The following AGBL4 variants were observed in gnomAD, a reference collection of about 807,000 sequenced individuals.
The protein encoded by AGBL4 is cytosolic carboxypeptidase 6.
A neutral mutation model predicts 66.4 loss-of-function variants in AGBL4; 58 were observed. That is an observed-to-expected ratio of 0.87 (90% CI 0.71 to 1.09). AGBL4 has a LOEUF of 1.09. AGBL4 is among the 50% of genes least tolerant of loss of function. AGBL4 has a pLI of 0.00. For missense variants in AGBL4, 579 were observed against 631.0 expected (o/e 0.92, Z 0.88); for synonymous variants, 234 against 222.9 (o/e 1.05, Z -0.44).
chr1:49,392,301 TG>T (rs1159303068), intron 3 of AGBL4, among the ~76,000 whole-genome samples: 1 of 152,184 alleles, frequency 6.6e-6, no homozygotes, highest in African/African-American at 2.4e-5. Flanking sequence ...GTTCTATTTT[TG>T]GGGGCATTAA....
At chr1:49,390,471 A>C (rs1644822692) in intron 3 of AGBL4, among the ~76,000 whole-genome samples, 1 of 152,226 alleles carries the variant, frequency 6.6e-6, no homozygotes, top group Non-Finnish European at 1.5e-5. Context: ...AAAAATCTCT[A>C]AGGAAGAAAC....
chr1:48,607,532 C>T (rs1309950771), intron 9 of AGBL4, among the ~76,000 whole-genome samples: 4 of 152,074 alleles, frequency 2.6e-5, no homozygotes, highest in Admixed American at 6.6e-5. Context: ...GCAGGAGAAT[C>T]GCTTGAATCC....
intron 3 of AGBL4, among the ~76,000 whole-genome samples, chr1:49,648,036 A>C (rs894005791): frequency 6.6e-6 from 1 of 152,150 alleles, no homozygotes; most frequent in Non-Finnish European, 1.5e-5. Flanking sequence ...CCAGACTCAG[A>C]AATGGCAGGG....
rs1482415129 is a variant in AGBL4, at chr1:48,897,833, C to T, written c.595-30603G>A. On this transcript the variant is annotated intron_variant, in intron 5 of 13. Transcript: ENST00000371839. The stretch of plus-strand genomic sequence containing the variant: ...TTTTTTTTTTTTTTTTTTTTTAAGA[C>T]GGAGTCTCGCTCTGTCACCAGGCCG... Among the ~76,000 whole-genome samples the T allele has an allele frequency of 3.2e-5, 4 of 125,114 alleles. No homozygotes were observed. In the East Asian group the frequency reaches 7.8e-4, roughly 24 times the overall value. 82.1% of individuals were successfully genotyped at this position (125,114 alleles called of 152,430 possible).
intron 1 of AGBL4, among the ~76,000 whole-genome samples, chr1:49,938,797 G>A (rs185796513): frequency 1.3e-5 from 2 of 152,116 alleles, no homozygotes; most frequent in African/African-American, 4.8e-5. Context: ...ATTCAACAAC[G>A]CTTCGTGCTA....
At chr1:49,258,930 G>A (rs569565841) in intron 3 of AGBL4, among the ~76,000 whole-genome samples, 1 of 152,158 alleles carries the variant, frequency 6.6e-6, no homozygotes, top group Non-Finnish European at 1.5e-5. Context: ...CCCACAAAGG[G>A]AAGCCCATCA....
At chr1:49,236,729 CT>C (rs1650779385) in intron 4 of AGBL4, among the ~76,000 whole-genome samples, 1 of 152,002 alleles carries the variant, frequency 6.6e-6, no homozygotes, top group Non-Finnish European at 1.5e-5. Context: ...ATCTTGTCAC[CT>C]GTAACCACCA....
Position 49,689,171 on chromosome 1 carries a change from C to T in AGBL4, c.282+8142G>A, listed in dbSNP as rs571349630. On this transcript the variant is annotated intron_variant, in intron 3 of 13. Coordinates refer to ENST00000371839, the MANE Select transcript of AGBL4 (RefSeq NM_032785.4). The stretch of plus-strand genomic sequence containing the variant: ...CCACGCCAATGCCCTGGAGAGTTTC[C>T]TCAATGTTTTCTTTTAGTAGTTTCA... Among the ~76,000 whole-genome samples, 8 of 152,152 alleles carry T rather than the reference C, an allele frequency of 5.3e-5. No homozygotes were observed. The South Asian group carries it at 1.7e-3, about 32-fold the overall frequency.
At chr1:48,632,866 T>C (rs1192119500) in intron 9 of AGBL4, among the ~76,000 whole-genome samples, 2 of 152,232 alleles carry the variant, frequency 1.3e-5, no homozygotes, top group African/African-American at 4.8e-5. Flanking sequence ...AGATTCTTCC[T>C]GAGAAAATCA....
intron 1 of AGBL4, among the ~76,000 whole-genome samples, chr1:50,000,444 G>A (rs185895224): frequency 1.3e-5 from 2 of 152,298 alleles, no homozygotes; most frequent in East Asian, 3.9e-4. Flanking sequence ...TGGATGTGGT[G>A]AAAAGGGAAC....
In AGBL4 at chr1:49,411,990, A is replaced by G. The variant is rs764635548; in HGVS notation, c.283-166126T>C. Among the ~76,000 whole-genome samples, 17 of 152,308 alleles carry G rather than the reference A, an allele frequency of 1.1e-4. 1 individual carries two copies. Among genetic ancestry groups the G allele is most frequent in the Middle Eastern group, 6.8e-3 (2 of 294 alleles). On this transcript the variant is annotated intron_variant, in intron 3 of 13. Coordinates refer to ENST00000371839, the MANE Select transcript of AGBL4 (RefSeq NM_032785.4). Reference sequence around the variant, plus strand: ...ATTATATTTGGAAAATACTAAGTACAAAGTTTTTCTAGACCAATCAATTTC... The same window carrying G: ...ATTATATTTGGAAAATACTAAGTACGAAGTTTTTCTAGACCAATCAATTTC...
At chr1:48,897,857 C>T (rs1255143332) in intron 5 of AGBL4, among the ~76,000 whole-genome samples, 14 of 147,420 alleles carry the variant, frequency 9.5e-5, no homozygotes, top group Admixed American at 2.0e-4. Flanking sequence ...GTCACCAGGC[C>T]GGAGTGCAGT....
At chr1:49,667,277 G>A (rs1571290607) in intron 3 of AGBL4, among the ~76,000 whole-genome samples, 1 of 151,968 alleles carries the variant, frequency 6.6e-6, no homozygotes, top group East Asian at 1.9e-4. Flanking sequence ...TGGGCAACAT[G>A]ACAAAGCCCT....
At position 49,877,295 on chromosome 1, in the gene AGBL4, T is replaced by C. The variant is rs977647803; in HGVS notation, c.35-25777A>G. ...ATTCAGTATGATATTGGCTGTGGGT[T>C]TGTCATAGATAGCTCTTATTATTTT... is the stretch of plus-strand genomic sequence containing the variant. On this transcript the variant is annotated intron_variant, in intron 1 of 13. Coordinates refer to ENST00000371839, the MANE Select transcript of AGBL4 (RefSeq NM_032785.4). Among the ~76,000 whole-genome samples, 240 of 151,400 alleles carry C rather than the reference T, an allele frequency of 1.6e-3. 1 individual carries two copies. The highest frequency in any genetic ancestry group is 5.5e-3 in the African/African-American group (224 of 41,028).
At chr1:49,610,800 A>G (rs1216758056) in intron 3 of AGBL4, among the ~76,000 whole-genome samples, 2 of 152,238 alleles carry the variant, frequency 1.3e-5, no homozygotes, top group African/African-American at 4.8e-5. Flanking sequence ...CCAGTCTAAG[A>G]TATTTTGTTA....
In AGBL4 at chr1:49,285,366, G is replaced by A. The variant is rs201604448; in HGVS notation, c.283-39502C>T. Among the ~76,000 whole-genome samples, 4 of 151,978 alleles carry A rather than the reference G, an allele frequency of 2.6e-5. No individual in the cohort carries two copies. The East Asian group carries it at 5.8e-4, about 22-fold the overall frequency. On this transcript the variant is annotated intron_variant, in intron 3 of 13. Transcript: ENST00000371839. ...TACCATTATCTGTGGGACGCATTCA[G>A]AGGAGTGTGTAGAGGGAAATTTATA...
intron 2 of AGBL4, among the ~76,000 whole-genome samples, chr1:49,832,063 G>A (rs1007189754): frequency 1.3e-5 from 2 of 151,348 alleles, no homozygotes; most frequent in African/African-American, 2.4e-5. Context: ...AGTTACATAT[G>A]TATACACGTG....
intron 2 of AGBL4, among the ~76,000 whole-genome samples, chr1:49,760,010 G>A (rs946385271): frequency 2.0e-5 from 3 of 152,164 alleles, no homozygotes; most frequent in Non-Finnish European, 2.9e-5. Flanking sequence ...TGGGGGTTGT[G>A]AAAATATTTT....
chr1:49,237,515 TATA>T lies in AGBL4; in HGVS notation c.377+8252_377+8254del, dbSNP rs1650863575. Among the ~76,000 whole-genome samples the T allele has an allele frequency of 4.0e-4, 55 of 136,648 alleles. 3 individuals are homozygous for T. Among genetic ancestry groups the T allele is most frequent in the African/African-American group, 1.6e-3 (53 of 33,046 alleles). The allele number at this position is 136,648 out of a possible 152,430, so 89.6% of individuals were successfully genotyped here. A position where few individuals can be genotyped will look rare whatever the true frequency, so the allele number is the denominator to read the frequency against. On this transcript the variant is annotated intron_variant, in intron 4 of 13. Transcript: ENST00000371839. ...CCTTTTTTTCCTCAATATTACATTATATATATATATATATATATATATATATAT... is the reference window on the plus strand; with the variant it reads ...CCTTTTTTTCCTCAATATTACATTATTATATATATATATATATATATATAT...
Sources: allele counts gnomAD v4.1 joint callset (sites outside exome capture counted in the v4.1 genomes callset), GRCh38; gene constraint gnomAD v4.1.1; transcripts MANE v1.5; gene names NCBI Gene and HGNC (gene_info 2026-07-23, HGNC 2026-07-21).